VAC14: variants seen among roughly 807,000 people sequenced by gnomAD.
The protein encoded by VAC14 is VAC14 component of PIKFYVE complex.
A neutral mutation model predicts 85.3 loss-of-function variants in VAC14; 47 were observed. That is an observed-to-expected ratio of 0.55 (90% CI 0.44 to 0.70). The LOEUF (loss-of-function observed/expected upper bound fraction) is 0.70, where lower values mean the gene tolerates loss of function less well. VAC14 is among the 30% of genes least tolerant of loss of function. The pLI is 0.00. For synonymous variants in VAC14, 447 were observed against 430.5 expected, an observed-to-expected ratio of 1.04 and a Z score of -0.47; for missense variants, 861 against 1,004.3, an observed-to-expected ratio of 0.86 and a Z score of 1.93.
At chr16:70,727,714 C>A (rs572299382) in intron 14 of VAC14, among the ~76,000 whole-genome samples, 6 of 152,376 alleles carry the variant, frequency 3.9e-5, no homozygotes, top group Admixed American at 1.3e-4. Context: ...TGGATACCCC[C>A]CTCCACCTCA....
chr16:70,692,714 A>C, intron 18 of VAC14, 107 bp downstream of exon 18: 2 of 1,458,002 alleles, frequency 1.4e-6, no homozygotes, highest in Non-Finnish European at 1.8e-6. Context: ...TGGGATGCTG[A>C]AGTGAGGGAG....
intron 12 of VAC14, chr16:70,747,031 T>G (rs1196457770): frequency 6.6e-6 from 1 of 152,110 alleles, no homozygotes; most frequent in Non-Finnish European, 1.5e-5. Context: ...AACTTATATA[T>G]AAATGCTCAC....
intron 4 of VAC14, 149 bp downstream of exon 4, chr16:70,784,627 G>C (rs2033963861): frequency 8.7e-6 from 7 of 803,914 alleles, no homozygotes; most frequent in East Asian, 2.5e-5. Context: ...CGATATTCTT[G>C]TCATAGAACT....
At position 70,692,861 on chromosome 16, in the gene VAC14, G is replaced by C; in HGVS notation, c.2146C>G (p.Arg716Gly). The C allele has an allele frequency of 6.2e-7, 1 of 1,604,558 alleles. No individual in the cohort carries two copies. The highest frequency in any genetic ancestry group is 8.5e-7 in the Non-Finnish European group (1 of 1,177,220). Residue 716 changes from arginine to glycine, a missense_variant, in exon 18 of 19, where the codon CGG (arginine) becomes GGG (glycine). By Grantham distance (125) the Arg-to-Gly change is moderately radical. Transcript: ENST00000261776. ...QSSAFQLLSH[R>G]LQCVPNPELL... The stretch of plus-strand genomic sequence containing the variant: ...TCAGGGTTGGGCACGCACTGGAGCC[G>C]GTGCGAGAGCAGCTGGAAGGCGCTG...
rs374617384 is a variant in VAC14 at position 70,696,864 on chromosome 16, G to A, written c.1955+275C>T. On this transcript the variant is annotated intron_variant, in intron 16 of 18. Coordinates refer to ENST00000261776, the MANE Select transcript of VAC14 (RefSeq NM_018052.5). ...CCAGCATCACCCGCTGGCACCTGCCGGGCTGGGCCTACTCAGTCCCAATCC... is the reference window on the plus strand; with the variant it reads ...CCAGCATCACCCGCTGGCACCTGCCAGGCTGGGCCTACTCAGTCCCAATCC... The A allele has an allele frequency of 4.7e-5, 18 of 378,976 alleles. No homozygotes were observed. The East Asian group carries it at 6.0e-4, about 13-fold the overall frequency. 23.5% of individuals were successfully genotyped at this position (378,976 alleles called of 1,614,324 possible).
chr16:70,701,189 T>TCTA (rs886824365), intron 14 of VAC14, among the ~76,000 whole-genome samples: 4 of 152,200 alleles, frequency 2.6e-5, no homozygotes, highest in African/African-American at 9.7e-5. Context: ...CTTCTCTCTC[T>TCTA]AGTCTGTGCC....
chr16:70,773,786 T>C (rs1304732275), intron 9 of VAC14, among the ~76,000 whole-genome samples: 1 of 151,978 alleles, frequency 6.6e-6, no homozygotes, highest in Admixed American at 6.6e-5. Flanking sequence ...TTTTTTGAGA[T>C]AGAGTCTTGG....
intron 13 of VAC14, among the ~76,000 whole-genome samples, chr16:70,739,901 C>T (rs1256784120): frequency 6.6e-6 from 1 of 152,130 alleles, no homozygotes; most frequent in Non-Finnish European, 1.5e-5. Flanking sequence ...ATTTTTAGAG[C>T]CAGGGATAAA....
chr16:70,697,011 CT>C (rs2053725782), intron 16 of VAC14, 127 bp downstream of exon 16: 1 of 728,798 alleles, frequency 1.4e-6, no homozygotes, highest in Non-Finnish European at 2.4e-6. Flanking sequence ...GTCACAAGCC[CT>C]GAGGCTGAGT....
At chr16:70,691,718 G>A in intron 18 of VAC14, 1 of 985,450 alleles carries the variant, frequency 1.0e-6, no homozygotes, top group African/African-American at 1.7e-5. Flanking sequence ...ACACTTTCTA[G>A]GGGTTCAGCC....
intron 5 of VAC14, among the ~76,000 whole-genome samples, chr16:70,783,840 A>G (rs1377679975): frequency 2.6e-5 from 4 of 152,222 alleles, no homozygotes. Flanking sequence ...TGCTGGAAGT[A>G]GCACTGCTGG....
At chr16:70,792,807 AG>A (rs991535638) in intron 1 of VAC14, among the ~76,000 whole-genome samples, 1 of 152,200 alleles carries the variant, frequency 6.6e-6, no homozygotes, top group Non-Finnish European at 1.5e-5. Context: ...AGACTGTCAC[AG>A]GTCACATGAG....
intron 1 of VAC14, among the ~76,000 whole-genome samples, chr16:70,788,311 C>T (rs1188699599): frequency 6.6e-6 from 1 of 152,216 alleles, no homozygotes; most frequent in Non-Finnish European, 1.5e-5. Flanking sequence ...TCATATGGAG[C>T]ACCTATCATG....
intron 1 of VAC14, among the ~76,000 whole-genome samples, chr16:70,788,574 T>C (rs1051699754): frequency 2.0e-5 from 3 of 152,208 alleles, no homozygotes; most frequent in Non-Finnish European, 4.4e-5. Context: ...ATCAACTTGT[T>C]TGGTCTCCCA....
chr16:70,785,778 G>A lies in VAC14; in HGVS notation c.347C>T (p.Ala116Val). 6.3e-7 allele frequency: 1 copy of A among 1,587,866 alleles called. No homozygotes were observed. Among genetic ancestry groups the A allele is most frequent in the Non-Finnish European group, 8.6e-7 (1 of 1,165,504 alleles). The change falls in exon 3 of 19, where the codon GCC (alanine) becomes GTC (valine). Residue 116 changes from alanine to valine, a missense_variant. Around this residue, in one of 3 missense-constraint regions of VAC14, gnomAD observed 629 missense variants for 703.1 expected, o/e 0.89. Coordinates refer to ENST00000261776, the MANE Select transcript of VAC14 (RefSeq NM_018052.5). ...DSRLRYYACEALYNIVKVARG... is the reference protein window; with the variant it reads ...DSRLRYYACEVLYNIVKVARG... ...GGCCACCTTGACGATGTTGTAGAGG[G>A]CCTCGCAGGCATAGTAGCGCAGCCT...
chr16:70,790,205 G>C (rs1275620820), intron 1 of VAC14, among the ~76,000 whole-genome samples: 1 of 152,240 alleles, frequency 6.6e-6, no homozygotes, highest in Non-Finnish European at 1.5e-5. Flanking sequence ...GTGTCTGCCA[G>C]GCAGGGATGT....
chr16:70,732,543 C>T lies in VAC14; in HGVS notation c.1529-916G>A, dbSNP rs189433777. On this transcript the variant is annotated intron_variant, in intron 13 of 18. Transcript: ENST00000261776. ...GTATCTGTATGCCCGTTGGTATCTT[C>T]CCTGGACATCCCTTCTAATATATGC... Among the ~76,000 whole-genome samples the T allele has an allele frequency of 1.4e-3, 208 of 152,232 alleles. 1 individual carries two copies. Among genetic ancestry groups the T allele is most frequent in the Admixed American group, 2.3e-3 (35 of 15,288 alleles).
rs956538759 is a variant in VAC14, at chr16:70,687,981, G to A, written c.2296C>T (p.Arg766Trp). ...EKVQNKHLEV[R>W]HQRSGRGDHL... ...TCCCCACGCCCGCTCCGCTGGTGCC[G>A]CACTTCCAGGTGCTTGTTCTGGACC... The change falls in exon 19 of 19, where the codon CGG (arginine) becomes TGG (tryptophan). Residue 766 changes from arginine to tryptophan, a missense_variant. By Grantham distance (101) the Arg-to-Trp change is moderately radical. Transcript: ENST00000261776. 5.6e-6 allele frequency: 9 copies of A among 1,596,304 alleles called. No homozygotes were observed. The highest frequency in any genetic ancestry group is 4.6e-5 in the East Asian group (2 of 43,654).
chr16:70,779,125 T>C (rs1035941715), intron 9 of VAC14: 1 of 152,278 alleles, frequency 6.6e-6, no homozygotes, highest in Non-Finnish European at 1.5e-5. Context: ...CTGAGTGCTG[T>C]TCTGCCTCCA....
Sources: allele counts gnomAD v4.1 joint callset (sites outside exome capture counted in the v4.1 genomes callset), GRCh38; gene constraint gnomAD v4.1.1; regional missense constraint gnomAD v4.1.1; transcripts MANE v1.5; gene names NCBI Gene and HGNC (gene_info 2026-07-23, HGNC 2026-07-21).